The following RELN variants were observed in gnomAD, a reference collection of about 807,000 sequenced individuals.
RELN encodes reelin.
In RELN, 108 loss-of-function variants were observed where a neutral mutation model predicts 427.6. That is an observed-to-expected ratio of 0.25 (90% CI 0.22 to 0.30). The LOEUF (loss-of-function observed/expected upper bound fraction) is 0.30. RELN is among the 10% of genes least tolerant of loss of function. The probability of loss-of-function intolerance (pLI) is 1.00; values close to 1 mark genes in which losing one functional copy is unlikely to be tolerated. For missense variants in RELN, 3,715 were observed against 4,302.8 expected, an observed-to-expected ratio of 0.86 and a Z score of 3.82; for synonymous variants, 1,524 against 1,513.4, an observed-to-expected ratio of 1.01 and a Z score of -0.16.
intron 41 of RELN, among the ~76,000 whole-genome samples, chr7:103,547,770 G>C (rs1266442176): frequency 6.6e-6 from 1 of 152,154 alleles, no homozygotes; most frequent in Non-Finnish European, 1.5e-5. Flanking sequence ...AGCCTACAAG[G>C]ATTTTTTTTG....
chr7:103,601,367 T>C (rs757690930), intron 24 of RELN, among the ~76,000 whole-genome samples: 6 of 152,186 alleles, frequency 3.9e-5, no homozygotes, highest in Non-Finnish European at 8.8e-5. Context: ...CTTTCCTGAT[T>C]TTCTATAATC....
At chr7:103,734,078 CAAAACAAAAACA>C (rs1181061613) in intron 6 of RELN, among the ~76,000 whole-genome samples, 1 of 151,974 alleles carries the variant, frequency 6.6e-6, no homozygotes, top group Non-Finnish European at 1.5e-5. Flanking sequence ...AGGCTCAGTG[CAAAACAAAAACA>C]AAAACAAAAA....
chr7:103,890,583 G>A (rs547061188), intron 2 of RELN, among the ~76,000 whole-genome samples: 10 of 152,138 alleles, frequency 6.6e-5, no homozygotes, highest in South Asian at 6.2e-4. Context: ...CCTACTGTCT[G>A]TGGAAAAATC....
chr7:103,936,661 C>T (rs1795991354), intron 1 of RELN, among the ~76,000 whole-genome samples: 1 of 151,510 alleles, frequency 6.6e-6, no homozygotes, highest in Non-Finnish European at 1.5e-5. Flanking sequence ...CCTCCCCCAA[C>T]TTTTCCCTCC....
chr7:103,501,045 T>C (rs1174274496), intron 52 of RELN, 123 bp from the exon 53 acceptor site: 21 of 859,448 alleles, frequency 2.4e-5, no homozygotes, highest in Non-Finnish European at 5.7e-6. Flanking sequence ...CTAGATGAAA[T>C]AGGTTAATAA....
At chr7:103,909,645 T>C (rs145407449) in intron 2 of RELN, among the ~76,000 whole-genome samples, 2,856 of 114,560 alleles carry the variant, frequency 0.025, 245 homozygotes, top group East Asian at 0.17. Context: ...TTAATAAATA[T>C]ATATATTTAA....
Position 103,562,015 on chromosome 7 carries a change from A to G in RELN, c.5211-62T>C, listed in dbSNP as rs80178906. ...TTTGACAAGCAACCTTGAAAGCACA[A>G]GGACATTTATTTTAATTCCCTTTTC... On this transcript the variant is annotated intron_variant, in intron 34 of 64. Transcript: ENST00000428762. 1.2e-4 allele frequency: 187 copies of G among 1,562,830 alleles called. 2 individuals carry two copies. Among genetic ancestry groups the G allele is most frequent in the South Asian group, 8.0e-4 (69 of 86,256 alleles).
In RELN at chr7:103,942,612, T is replaced by C. The variant is rs73183770; in HGVS notation, c.227-25427A>G. 9.0e-3 allele frequency among the ~76,000 whole-genome samples: 1,372 copies of C among 152,238 alleles called. 13 individuals carry two copies. Among genetic ancestry groups the C allele is most frequent in the Non-Finnish European group, 0.016 (1,084 of 68,004 alleles). ...AGACCCAGGGAAGATGGATGTTTAA[T>C]AGGTATTCAAAGAATTCTTGGCTGG... is the stretch of plus-strand genomic sequence containing the variant. On this transcript the variant is annotated intron_variant, in intron 1 of 64. Coordinates refer to ENST00000428762, the MANE Select transcript of RELN (RefSeq NM_005045.4).
intron 34 of RELN, among the ~76,000 whole-genome samples, chr7:103,562,317 G>A (rs1269578679): frequency 6.6e-6 from 1 of 152,090 alleles, no homozygotes; most frequent in East Asian, 1.9e-4. Context: ...GTACTGGGAG[G>A]GATTGAAGGT....
intron 3 of RELN, among the ~76,000 whole-genome samples, chr7:103,782,200 A>G (rs907839193): frequency 6.6e-6 from 1 of 152,198 alleles, no homozygotes; most frequent in Middle Eastern, 3.2e-3. Context: ...AGTGCTTGAA[A>G]AAGCATTTAT....
chr7:103,966,793 GACTC>G (rs1259805363), intron 1 of RELN, among the ~76,000 whole-genome samples: 1 of 152,174 alleles, frequency 6.6e-6, no homozygotes, highest in Non-Finnish European at 1.5e-5. Flanking sequence ...ATCTTGGAGT[GACTC>G]ACACATCTTT....
At chr7:103,653,453 T>A (rs899946267) in intron 13 of RELN, among the ~76,000 whole-genome samples, 3 of 152,080 alleles carry the variant, frequency 2.0e-5, no homozygotes, top group African/African-American at 7.2e-5. Flanking sequence ...GCATTTAAGC[T>A]TTTAAAAGTA....
At position 103,636,391 on chromosome 7, in the gene RELN, C is replaced by T; in HGVS notation, c.2147G>A (p.Gly716Asp). ...TFPMFISESF[G>D]SSRLSSYHNF... ...ATGGTAAGAGGAGAGCCTGGAACTG[C>T]CAAAGCTTTCAGAAATAAACATTGG... The change falls in exon 18 of 65, where the codon GGC becomes GAC. Residue 716 changes from glycine (G) to aspartate (D), a missense_variant. By Grantham distance (94) the Gly-to-Asp change is moderately conservative. Coordinates refer to ENST00000428762, the MANE Select transcript of RELN (RefSeq NM_005045.4). 1 of 1,613,964 alleles carries T rather than the reference C, an allele frequency of 6.2e-7. No individual in the cohort carries two copies. The highest frequency in any genetic ancestry group is 8.5e-7 in the Non-Finnish European group (1 of 1,179,960).
intron 3 of RELN, among the ~76,000 whole-genome samples, chr7:103,788,627 C>T (rs1438936434): frequency 6.6e-6 from 1 of 152,138 alleles, no homozygotes; most frequent in African/African-American, 2.4e-5. Context: ...ATACAACTTA[C>T]AAGGGATGTG....
chr7:103,528,683 C>T (rs910862504), intron 46 of RELN, among the ~76,000 whole-genome samples: 5 of 151,892 alleles, frequency 3.3e-5, no homozygotes, highest in African/African-American at 1.2e-4. Context: ...CATGCACCAC[C>T]GCGCCCGGCT....
chr7:103,507,871 A>T (rs1829268403), intron 51 of RELN, among the ~76,000 whole-genome samples: 1 of 152,368 alleles, frequency 6.6e-6, no homozygotes, highest in Non-Finnish European at 1.5e-5. Flanking sequence ...GATCCCACAG[A>T]AATACAAACT....
At chr7:103,734,757 T>C (rs1367633076) in intron 6 of RELN, among the ~76,000 whole-genome samples, 1 of 152,192 alleles carries the variant, frequency 6.6e-6, no homozygotes, top group Non-Finnish European at 1.5e-5. Context: ...ATGCAGCTAG[T>C]GAGGGAAAAA....
chr7:103,709,840 T>C (rs528510663), intron 8 of RELN, among the ~76,000 whole-genome samples: 16 of 152,328 alleles, frequency 1.1e-4, no homozygotes, highest in African/African-American at 3.4e-4. Context: ...TTATTTCTTA[T>C]TGAGAATCAG....
At chr7:103,731,016 C>T (rs1025930529) in intron 6 of RELN, among the ~76,000 whole-genome samples, 6 of 152,146 alleles carry the variant, frequency 3.9e-5, no homozygotes, top group South Asian at 2.1e-4. Context: ...TAGGAGCTTA[C>T]GTTTCAAATG....
Sources: gnomAD v4.1 joint callset for allele counts (sites outside exome capture counted in the v4.1 genomes callset) on GRCh38, gnomAD v4.1.1 for gene constraint, MANE v1.5 for transcripts, NCBI Gene and HGNC (gene_info 2026-07-23, HGNC 2026-07-21) for gene names.